TIPIN: variants seen among roughly 807,000 people sequenced by gnomAD.
The protein encoded by TIPIN is TIMELESS-interacting protein.
A neutral mutation model predicts 35.6 loss-of-function variants in TIPIN; 29 were observed. The ratio of observed to expected loss-of-function variants is 0.82; its 90% CI spans 0.61 to 1.11. TIPIN has a LOEUF of 1.11. Ranked by LOEUF, TIPIN falls within the 50% of genes most tolerant of loss-of-function variation. The pLI is 0.00. For synonymous variants in TIPIN, 102 were observed against 121.5 expected (o/e 0.84, Z 1.06); for missense variants, 296 against 345.4 (o/e 0.86, Z 1.13).
chr15:66,354,445 A>G (rs1467558979), intron 1 of TIPIN, among the ~76,000 whole-genome samples: 1 of 152,128 alleles, frequency 6.6e-6, no homozygotes, highest in African/African-American at 2.4e-5. Context: ...TTATCTCTAT[A>G]ACCACTTCCC....
At chr15:66,367,238 C>CTGTATCTA in intron 1 of TIPIN, among the ~76,000 whole-genome samples, 1 of 149,384 alleles carries the variant, frequency 6.7e-6, no homozygotes, top group South Asian at 2.2e-4. Flanking sequence ...GTATCTATAT[C>CTGTATCTA]TATATCTATC....
intron 1 of TIPIN, among the ~76,000 whole-genome samples, chr15:66,384,246 C>G (rs1239650151): frequency 2.6e-5 from 4 of 151,424 alleles, no homozygotes; most frequent in Admixed American, 6.6e-5. Context: ...ATCTGCCCAC[C>G]TCAGCCTCCC....
Position 66,377,056 on chromosome 15 carries a change from C to T in TIPIN, c.-9+9551G>A, listed in dbSNP as rs146629707. On this transcript the variant is annotated intron_variant, in intron 1 of 7. Transcript: ENST00000562124. ...CCGTGAGGTGGAGGTTGCAGTGAGC[C>T]GAGACCAGGCTACTGCACTCCAGCC... Among the ~76,000 whole-genome samples, 292 of 139,662 alleles carry T rather than the reference C, an allele frequency of 2.1e-3. 2 individuals are homozygous for T. In the East Asian group the frequency reaches 0.042, roughly 20 times the overall value. The allele number at this position is 139,662 out of a possible 152,430, so 91.6% of individuals were successfully genotyped here.
intron 1 of TIPIN, among the ~76,000 whole-genome samples, chr15:66,381,278 A>C (rs1324148935): frequency 6.6e-6 from 1 of 152,090 alleles, no homozygotes; most frequent in East Asian, 1.9e-4. Context: ...TCTACTAAAA[A>C]TACAAAAAAA....
At chr15:66,357,749 A>T (rs2093213296), upstream of TIPIN, among the ~76,000 whole-genome samples, 1 of 152,098 alleles carries the variant, frequency 6.6e-6, no homozygotes, top group Admixed American at 6.6e-5. Context: ...CGAGGTCAGG[A>T]ATTCGAGACC....
At chr15:66,379,206 G>T in intron 1 of TIPIN, 1 of 1,277,240 alleles carries the variant, frequency 7.8e-7, no homozygotes, top group Non-Finnish European at 1.0e-6. Flanking sequence ...CATCTTTGAT[G>T]CACCTGGAAT....
chr15:66,346,653 G>A (rs1212273708), intron 6 of TIPIN, among the ~76,000 whole-genome samples: 3 of 151,884 alleles, frequency 2.0e-5, no homozygotes, highest in East Asian at 1.9e-4. Context: ...ATCACATACC[G>A]GGCACCTCAA....
At chr15:66,352,749 G>A (rs924057264) in intron 2 of TIPIN, 66 bp downstream of exon 2, 9 of 1,488,458 alleles carry the variant, frequency 6.0e-6, no homozygotes, top group African/African-American at 2.8e-5. Context: ...CCAAAGTGCT[G>A]GAATTACAGG....
intron 1 of TIPIN, chr15:66,366,697 G>A: frequency 2.3e-6 from 1 of 438,080 alleles, no homozygotes; most frequent in Non-Finnish European, 3.0e-6. Flanking sequence ...AACCCAGGAG[G>A]CGGAGGTTGC....
rs775978283 is a variant in TIPIN, at chr15:66,336,999, G to T, written c.865C>A (p.Gln289Lys). 2.1e-5 allele frequency: 34 copies of T among 1,613,402 alleles called. No homozygotes were observed. The highest frequency in any genetic ancestry group is 2.9e-5 in the Non-Finnish European group (34 of 1,179,496). The change falls in exon 8 of 8, where the codon CAA becomes AAA. Residue 289 changes from glutamine to lysine, a missense_variant. Gln to Lys is a moderately conservative substitution (Grantham distance 53). Transcript: ENST00000261881. ...LDQSFKNVQQ[Q>K]LDATSRNITE... ...ATATTTCTGGATGTAGCATCAAGTT[G>T]CTGTTGCACATTTTTAAAAGACTGG...
chr15:66,375,803 A>T (rs999677707), intron 1 of TIPIN, among the ~76,000 whole-genome samples: 5 of 150,138 alleles, frequency 3.3e-5, no homozygotes, highest in Non-Finnish European at 7.4e-5. Flanking sequence ...TTCATATAAA[A>T]GCACATATAC....
intron 1 of TIPIN, among the ~76,000 whole-genome samples, chr15:66,376,122 A>C (rs1595820333): frequency 6.6e-6 from 1 of 151,164 alleles, no homozygotes; most frequent in African/African-American, 2.4e-5. Context: ...AAAACCAAAT[A>C]TATCCTTTTT....
chr15:66,337,540 T>C (rs1413348782), intron 7 of TIPIN, among the ~76,000 whole-genome samples: 1 of 151,980 alleles, frequency 6.6e-6, no homozygotes, highest in Non-Finnish European at 1.5e-5. Flanking sequence ...CAGGCTGGTC[T>C]CGAACTCCTG....
chr15:66,361,512 C>T (rs1350833465), upstream of TIPIN, among the ~76,000 whole-genome samples: 1 of 150,254 alleles, frequency 6.7e-6, no homozygotes, highest in Non-Finnish European at 1.5e-5. Flanking sequence ...ACCTGGGCCT[C>T]CCAAAGTGCT....
At chr15:66,379,600 G>C in intron 1 of TIPIN, 1 of 1,610,400 alleles carries the variant, frequency 6.2e-7, no homozygotes, top group Non-Finnish European at 8.5e-7. Context: ...CCATTCTCCG[G>C]GATAACGACG....
At position 66,379,296 on chromosome 15, in the gene TIPIN, C is replaced by T; in HGVS notation, c.-9+7311G>A. 3.2e-6 allele frequency: 5 copies of T among 1,558,368 alleles called. No homozygotes were observed. The East Asian group carries it at 6.9e-5, about 22-fold the overall frequency. On this transcript the variant is annotated intron_variant, in intron 1 of 7. Transcript: ENST00000562124. ...AATATCACAAGTAGGTCTTAGGAGT[C>T]ATCTGGCGTCTTCTTTCTGTAGCTG... is the stretch of plus-strand genomic sequence containing the variant.
chr15:66,336,864 A>C lies in TIPIN; in HGVS notation c.*94T>G, dbSNP rs1024535401. On this transcript the variant is annotated 3_prime_UTR_variant, in exon 8 of 8. Coordinates refer to ENST00000261881, the MANE Select transcript of TIPIN (RefSeq NM_017858.3). ...AACAATAATCTATAACAGTTTTACT[A>C]TCTAAGGATTTTCACTCCAAGAAGA... The C allele has an allele frequency of 9.2e-6, 9 of 977,112 alleles. No individual in the cohort carries two copies. Among genetic ancestry groups the C allele is most frequent in the Admixed American group, 2.2e-5 (1 of 45,440 alleles). The allele number at this position is 977,112 out of a possible 1,614,324, so 60.5% of individuals were successfully genotyped here.
chr15:66,371,048 T>C (rs1447383481), intron 1 of TIPIN: 1 of 196,022 alleles, frequency 5.1e-6, no homozygotes, highest in African/African-American at 2.4e-5. Flanking sequence ...TCGTCTCTAC[T>C]AAAAATACAA....
intron 1 of TIPIN, among the ~76,000 whole-genome samples, chr15:66,369,022 C>T (rs375492478): frequency 4.6e-5 from 7 of 152,260 alleles, no homozygotes; most frequent in Admixed American, 2.0e-4. Flanking sequence ...ACACCAGGAC[C>T]TCTAAAATTC....
Sources: gnomAD v4.1 joint callset for allele counts (sites outside exome capture counted in the v4.1 genomes callset) on GRCh38, gnomAD v4.1.1 for gene constraint, MANE v1.5 for transcripts, NCBI Gene and HGNC (gene_info 2026-07-23, HGNC 2026-07-21) for gene names.